Variants in PLB1 observed in about 807,000 individuals in gnomAD.
PLB1 encodes the protein phospholipase B1.
In PLB1, 242 loss-of-function variants were observed where a neutral mutation model predicts 227.4. The observed-to-expected ratio is 1.06, with a 90% confidence interval of 0.96 to 1.18. The LOEUF (loss-of-function observed/expected upper bound fraction) is 1.18. Ranked by LOEUF, PLB1 falls within the 50% of genes most tolerant of loss-of-function variation. PLB1 has a pLI of 0.00. For missense variants in PLB1, 1,858 were observed against 1,816.3 expected (o/e 1.02, Z -0.42); for synonymous variants, 757 against 682.2 (o/e 1.11, Z -1.71).
At position 28,553,543 on chromosome 2, in the gene PLB1, G is replaced by A. The variant is rs969966257; in HGVS notation, c.1147+552G>A. The stretch of plus-strand genomic sequence containing the variant: ...ACCTTCCCAAAGACGGTCTGCCTGA[G>A]GGCTGTACCTTTGCCTCCAGGCAAG... On this transcript the variant is annotated intron_variant, in intron 17 of 57. Coordinates refer to ENST00000327757, the MANE Select transcript of PLB1 (RefSeq NM_153021.5). Among the ~76,000 whole-genome samples, 10 of 152,214 alleles carry A rather than the reference G, an allele frequency of 6.6e-5. No individual in the cohort carries two copies. The East Asian group carries it at 1.9e-3, about 29-fold the overall frequency.
chr2:28,597,003 C>T (rs750112616), intron 33 of PLB1, among the ~76,000 whole-genome samples: 1 of 152,186 alleles, frequency 6.6e-6, no homozygotes, highest in Non-Finnish European at 1.5e-5. Flanking sequence ...GTGGCTCACG[C>T]CTGTAATCCC....
chr2:28,555,827 A>G lies in PLB1; in HGVS notation c.1147+2836A>G, dbSNP rs965686774. Among the ~76,000 whole-genome samples the G allele has an allele frequency of 3.9e-4, 59 of 151,422 alleles. 1 individual carries two copies. The highest frequency in any genetic ancestry group is 3.2e-3 in the Admixed American group (49 of 15,206). ...TTTTTCACTAGGAATATCTTTTACA[A>G]TAACTGTTTTGCATTTTGCCTTCAA... is the stretch of plus-strand genomic sequence containing the variant. On this transcript the variant is annotated intron_variant, in intron 17 of 57. Coordinates refer to ENST00000327757, the MANE Select transcript of PLB1 (RefSeq NM_153021.5).
chr2:28,634,522 T>G (rs1689071043), intron 56 of PLB1, among the ~76,000 whole-genome samples: 1 of 152,190 alleles, frequency 6.6e-6, no homozygotes, highest in African/African-American at 2.4e-5. Flanking sequence ...TGCTTAAATC[T>G]GGGACCCTCC....
chr2:28,598,511 C>T (rs1683340308), intron 34 of PLB1, 141 bp from the exon 35 acceptor site: 1 of 674,224 alleles, frequency 1.5e-6, no homozygotes, highest in South Asian at 1.7e-5. Context: ...GTCCAGGACA[C>T]ACACTGCCTC....
intron 41 of PLB1, 97 bp downstream of exon 41, chr2:28,604,856 A>G: frequency 8.9e-7 from 1 of 1,118,920 alleles, no homozygotes; most frequent in Non-Finnish European, 1.3e-6. Flanking sequence ...AAAATGGGAA[A>G]GACACAGCTC....
chr2:28,639,100 AAG>A (rs1689700664), intron 56 of PLB1, among the ~76,000 whole-genome samples: 2 of 151,298 alleles, frequency 1.3e-5, no homozygotes. Context: ...AGGATCAACT[AAG>A]AGCTCCTAGA....
chr2:28,504,261 A>T (rs1215114791), intron 1 of PLB1, among the ~76,000 whole-genome samples: 3 of 152,218 alleles, frequency 2.0e-5, no homozygotes. Context: ...TTATTATGAT[A>T]CATCTTCTAG....
intron 6 of PLB1, among the ~76,000 whole-genome samples, chr2:28,527,734 G>A (rs1299499918): frequency 6.6e-6 from 1 of 152,186 alleles, no homozygotes; most frequent in Non-Finnish European, 1.5e-5. Context: ...AGGCAGTGAG[G>A]ACAGACCAAG....
chr2:28,582,200 T>G, intron 24 of PLB1, 67 bp downstream of exon 24: 1 of 1,533,236 alleles, frequency 6.5e-7, no homozygotes, highest in Non-Finnish European at 9.0e-7. Flanking sequence ...AGCTCTGGCA[T>G]CCTGCTGAGA....
chr2:28,555,986 C>T (rs1451684345), intron 17 of PLB1, among the ~76,000 whole-genome samples: 2 of 151,512 alleles, frequency 1.3e-5, no homozygotes, highest in African/African-American at 4.9e-5. Context: ...CCCACTTTAG[C>T]CTCCCAAGTA....
intron 49 of PLB1, 118 bp from the exon 50 acceptor site, chr2:28,624,939 C>G (rs11127181): frequency 0.45 from 424,307 of 943,482 alleles, 101,942 homozygotes; most frequent in East Asian, 0.86. Context: ...AATGGAATGA[C>G]CTTTGTACTG....
rs1022605874 is a variant in PLB1, at chr2:28,547,610, G to A, written c.937-1250G>A. Among the ~76,000 whole-genome samples the A allele has an allele frequency of 3.9e-5, 6 of 152,330 alleles. No individual in the cohort carries two copies. In the South Asian group the frequency reaches 1.2e-3, roughly 32 times the overall value. The stretch of plus-strand genomic sequence containing the variant: ...GTTGGTAGAAGCTGTGACTGAGCCA[G>A]ACAGGCTGCCCCATCCAGTAGCTTC... On this transcript the variant is annotated intron_variant, in intron 14 of 57. Coordinates refer to ENST00000327757, the MANE Select transcript of PLB1 (RefSeq NM_153021.5).
chr2:28,609,663 A>G (rs1685167582), intron 43 of PLB1, among the ~76,000 whole-genome samples: 1 of 152,202 alleles, frequency 6.6e-6, no homozygotes, highest in African/African-American at 2.4e-5. Context: ...TTCATTCAAA[A>G]AATAATTTTC....
intron 5 of PLB1, 31 bp from the exon 6 acceptor site, chr2:28,525,858 GTGACACAAATGCAGCC>G (rs1250131699): frequency 6.2e-7 from 1 of 1,610,598 alleles, no homozygotes; most frequent in Non-Finnish European, 8.5e-7. Flanking sequence ...CTATTGGCAG[GTGACACAAATGCAGCC>G]TGACACTCAC....
At chr2:28,590,812 G>T (rs2049689) in intron 29 of PLB1, among the ~76,000 whole-genome samples, 16,528 of 152,154 alleles carry the variant, frequency 0.11, 984 homozygotes, top group African/African-American at 0.15. Flanking sequence ...GCTTTTTCCA[G>T]CAGAAAGAGG....
chr2:28,543,066 CCT>C, intron 13 of PLB1, 144 bp from the exon 14 acceptor site: 1 of 771,564 alleles, frequency 1.3e-6, no homozygotes, highest in Non-Finnish European at 2.0e-6. Context: ...CATAAGTGCC[CCT>C]GTTATTGATG....
intron 20 of PLB1, among the ~76,000 whole-genome samples, chr2:28,570,585 A>T (rs1677845416): frequency 6.6e-6 from 1 of 152,218 alleles, no homozygotes. Flanking sequence ...CAGGAGTTAG[A>T]GACTAGCCTG....
intron 35 of PLB1, among the ~76,000 whole-genome samples, chr2:28,599,553 ACG>A (rs1683529083): frequency 6.6e-6 from 1 of 150,742 alleles, no homozygotes; most frequent in African/African-American, 2.5e-5. Flanking sequence ...CAGGTCTATA[ACG>A]GGGCCCTGAA....
chr2:28,626,532 G>A, intron 51 of PLB1, 24 bp downstream of exon 51: 1 of 1,603,942 alleles, frequency 6.2e-7, no homozygotes, highest in Non-Finnish European at 8.5e-7. Flanking sequence ...CAACCCCATG[G>A]GGACCTGAGA....
Sources: gnomAD v4.1 joint callset for allele counts (sites outside exome capture counted in the v4.1 genomes callset) on GRCh38, gnomAD v4.1.1 for gene constraint, MANE v1.5 for transcripts, NCBI Gene and HGNC (gene_info 2026-07-23, HGNC 2026-07-21) for gene names.